The following EXOSC7 variants were observed in gnomAD, a reference collection of about 807,000 sequenced individuals.
The protein encoded by EXOSC7 is exosome component 7.
Under a neutral mutation model 34.3 loss-of-function variants are expected in EXOSC7, and 25 were observed. The observed-to-expected ratio is 0.73, with a 90% CI of 0.53 to 1.02. The LOEUF (loss-of-function observed/expected upper bound fraction) is 1.02, where lower values mean the gene tolerates loss of function less well. EXOSC7 is among the 50% of genes least tolerant of loss of function. EXOSC7 has a pLI of 0.00. For synonymous variants in EXOSC7, 130 were observed against 143.0 expected (o/e 0.91, Z 0.65); for missense variants, 370 against 368.5 (o/e 1.00, Z -0.03).
At chr3:45,002,812 C>G (rs1706917714) in intron 5 of EXOSC7, among the ~76,000 whole-genome samples, 1 of 152,320 alleles carries the variant, frequency 6.6e-6, no homozygotes, top group South Asian at 2.1e-4. Context: ...AGCTGTGCCA[C>G]TAGGCTCCTT....
At chr3:45,005,220 T>A in intron 5 of EXOSC7, 71 bp from the exon 6 acceptor site, 1 of 1,561,618 alleles carries the variant, frequency 6.4e-7, no homozygotes, top group Admixed American at 1.7e-5. Context: ...TTCCAACTCC[T>A]ATTCTCAATC....
At chr3:44,976,485 A>C in intron 1 of EXOSC7, 151 bp downstream of exon 1, 1 of 689,290 alleles carries the variant, frequency 1.5e-6, no homozygotes. Flanking sequence ...CGGCGTTTGC[A>C]ATTCAGAGCT....
At chr3:44,988,306 A>G (rs1187245160) in intron 1 of EXOSC7, among the ~76,000 whole-genome samples, 2 of 152,236 alleles carry the variant, frequency 1.3e-5, no homozygotes, top group Admixed American at 6.5e-5. Context: ...AAAATAACTA[A>G]TGATAGTAGT....
chr3:45,011,647 T>C (rs941140833), downstream of EXOSC7, among the ~76,000 whole-genome samples: 3 of 152,186 alleles, frequency 2.0e-5, no homozygotes, highest in Non-Finnish European at 2.9e-5. Context: ...ATGCTTATGA[T>C]ATGTATTTTG....
intron 3 of EXOSC7, among the ~76,000 whole-genome samples, chr3:44,996,232 T>TA (rs1706718428): frequency 6.6e-6 from 1 of 152,190 alleles, no homozygotes; most frequent in African/African-American, 2.4e-5. Context: ...CCTTTACTGT[T>TA]ACAGTAAAAT....
chr3:45,010,331 G>A (rs1040379286), intron 7 of EXOSC7, among the ~76,000 whole-genome samples: 1 of 152,076 alleles, frequency 6.6e-6, no homozygotes, highest in African/African-American at 2.4e-5. Flanking sequence ...CACTGCAGCC[G>A]TGAACTCCTG....
In EXOSC7 at chr3:44,989,230, AG is replaced by A; in HGVS notation, c.151del (p.Val51SerfsTer12). 6.2e-7 allele frequency: 1 copy of A among 1,613,418 alleles called. No individual in the cohort carries two copies. Among genetic ancestry groups the A allele is most frequent in the African/African-American group, 1.3e-5 (1 of 75,042 alleles). On this transcript the variant is annotated frameshift_variant, in exon 2 of 8. Coordinates refer to ENST00000265564, the MANE Select transcript of EXOSC7 (RefSeq NM_015004.4). LOFTEE classifies it high-confidence loss of function. ...DVVSNTSGSARVKLGHTDILV... is the reference protein window; with the variant it reads ...DVVSNTSGSAXVKLGHTDILV... ...GGTGTCCAACACTAGTGGGTCCGCC[AG>A]GGTCAAGCTGGTGAGTACTGTGACC...
intron 5 of EXOSC7, chr3:45,004,561 TTTTTTTTG>T (rs1353430852): frequency 5.3e-5 from 8 of 151,162 alleles, no homozygotes; most frequent in Non-Finnish European, 1.0e-4. Context: ...TGGCGTTTTT[TTTTTTTTG>T]TTTTTTTTTT....
intron 3 of EXOSC7, among the ~76,000 whole-genome samples, chr3:44,994,534 C>G (rs1272067108): frequency 6.6e-6 from 1 of 152,132 alleles, no homozygotes; most frequent in African/African-American, 2.4e-5. Flanking sequence ...GTCTCTAAGG[C>G]CTTTTCCAGG....
At chr3:44,979,598 T>TCCC (rs1553697879) in intron 1 of EXOSC7, among the ~76,000 whole-genome samples, 1 of 150,498 alleles carries the variant, frequency 6.6e-6, no homozygotes, top group South Asian at 2.1e-4. Flanking sequence ...GTTTTTTTTT[T>TCCC]CCCCCTCTTT....
At chr3:44,994,859 GTGTGTGT>G (rs1559746606) in intron 3 of EXOSC7, among the ~76,000 whole-genome samples, 213 of 7,486 alleles carry the variant, frequency 0.028, 2 homozygotes, top group Middle Eastern at 0.056. Flanking sequence ...AAGAATGGGT[GTGTGTGT>G]GTGTGTGTGT....
intron 3 of EXOSC7, among the ~76,000 whole-genome samples, chr3:44,990,438 G>A (rs1028907925): frequency 2.0e-5 from 3 of 152,040 alleles, no homozygotes; most frequent in African/African-American, 7.3e-5. Flanking sequence ...GCCAGGTCCC[G>A]TCTTCTATCA....
Position 44,993,589 on chromosome 3 carries a change from C to A in EXOSC7, c.255-3498C>A, listed in dbSNP as rs139388699. Among the ~76,000 whole-genome samples the A allele has an allele frequency of 1.2e-4, 18 of 152,072 alleles. No homozygotes were observed. In the East Asian group the frequency reaches 3.5e-3, roughly 30 times the overall value. On this transcript the variant is annotated intron_variant, in intron 3 of 7. Transcript: ENST00000265564. ...GTGATGAGTCAGAAGGGGTGGAGAG[C>A]TGGGAGGGGTAGCATTCCCAGGATC...
At chr3:44,996,299 CA>C (rs11345542) in intron 3 of EXOSC7, among the ~76,000 whole-genome samples, 73,924 of 151,990 alleles carry the variant, frequency 0.49, 18,746 homozygotes, top group East Asian at 0.86. Flanking sequence ...TGTATTAAGC[CA>C]AAAACTCTCA....
intron 1 of EXOSC7, among the ~76,000 whole-genome samples, chr3:44,987,074 A>G (rs767722768): frequency 3.1e-4 from 35 of 114,072 alleles, no homozygotes; most frequent in Non-Finnish European, 5.7e-4. Context: ...GATTTCCTGC[A>G]TATATATAGT....
In EXOSC7 at chr3:44,997,177, T is replaced by C. The variant is rs1262127405; in HGVS notation, c.345T>C (p.Asn115=). ...IANTLYRIFN[N]KSSVDLKTLC... is the part of the protein sequence containing the mutation. ...ACACCCTCTATCGGATATTTAACAA[T>C]AAAAGCAGTGTCGACTTAAAGACCC... The change falls in exon 4 of 8, where the codon AAT becomes AAC. Residue 115 remains asparagine, a synonymous_variant. Coordinates refer to ENST00000265564, the MANE Select transcript of EXOSC7 (RefSeq NM_015004.4). 4.3e-6 allele frequency: 7 copies of C among 1,614,066 alleles called. No homozygotes were observed. Among genetic ancestry groups the C allele is most frequent in the Non-Finnish European group, 5.1e-6 (6 of 1,180,000 alleles).
At chr3:44,990,589 C>T (rs1465734721) in intron 3 of EXOSC7, among the ~76,000 whole-genome samples, 3 of 152,108 alleles carry the variant, frequency 2.0e-5, no homozygotes, top group Non-Finnish European at 2.9e-5. Flanking sequence ...CTAGACTTAG[C>T]ATATAGTGAT....
At chr3:45,003,610 A>G (rs767103011) in intron 5 of EXOSC7, among the ~76,000 whole-genome samples, 1 of 152,138 alleles carries the variant, frequency 6.6e-6, no homozygotes, top group Non-Finnish European at 1.5e-5. Flanking sequence ...CCATTACAGT[A>G]GCTGGATGGA....
At chr3:44,983,725 A>G (rs1440615523) in intron 1 of EXOSC7, among the ~76,000 whole-genome samples, 5 of 152,194 alleles carry the variant, frequency 3.3e-5, no homozygotes, top group East Asian at 1.9e-4. Flanking sequence ...GGTAACTCCT[A>G]TTTAAGTGTT....
Sources: gnomAD v4.1 joint callset for allele counts (sites outside exome capture counted in the v4.1 genomes callset) on GRCh38, gnomAD v4.1.1 for gene constraint, MANE v1.5 for transcripts, NCBI Gene and HGNC (gene_info 2026-07-23, HGNC 2026-07-21) for gene names.